The following MTUS2 variants were observed in gnomAD, a reference collection of about 807,000 sequenced individuals.
The protein encoded by MTUS2 is microtubule-associated tumor suppressor candidate 2.
In MTUS2, 40 loss-of-function variants were observed where a neutral mutation model predicts 114.1. The ratio of observed to expected loss-of-function variants is 0.35; its 90% confidence interval spans 0.27 to 0.46. The LOEUF is 0.46. Among genes scored for constraint, MTUS2 ranks in the 20% least tolerant of loss-of-function variants. The probability of loss-of-function intolerance (pLI) is 1.00; values close to 1 mark genes in which losing one functional copy is unlikely to be tolerated. For synonymous variants in MTUS2, 688 were observed against 672.0 expected (o/e 1.02, Z -0.37); for missense variants, 1,679 against 1,705.4 (o/e 0.98, Z 0.27).
intron 5 of MTUS2, among the ~76,000 whole-genome samples, chr13:29,172,259 A>C (rs570624778): frequency 6.6e-6 from 1 of 152,282 alleles, no homozygotes; most frequent in African/African-American, 2.4e-5. Flanking sequence ...TGGATGCAGA[A>C]CTTGACAATG....
rs888075904 is a variant in MTUS2, at chr13:29,496,903, G to A, written c.3580-335G>A. Reference sequence around the variant, plus strand: ...GGTCCTTCCCAAAGCCAGGGGCTAGGTGCCTCCTGGACAAGAGGCACCTCT... The same window carrying A: ...GGTCCTTCCCAAAGCCAGGGGCTAGATGCCTCCTGGACAAGAGGCACCTCT... On this transcript the variant is annotated intron_variant, in intron 12 of 15. Transcript: ENST00000612955. This position sits in a 1 kb window ranked among gnomAD's most constrained non-coding sequence, Gnocchi z 4.3. Among the ~76,000 whole-genome samples the A allele has an allele frequency of 6.6e-6, 1 of 152,166 alleles. No individual in the cohort carries two copies. The highest frequency in any genetic ancestry group is 2.4e-5 in the African/African-American group (1 of 41,440).
chr13:29,438,115 G>A (rs1235350884), intron 8 of MTUS2, among the ~76,000 whole-genome samples: 1 of 152,154 alleles, frequency 6.6e-6, no homozygotes, highest in Non-Finnish European at 1.5e-5. Flanking sequence ...CTAAATGCTG[G>A]ACACTAACTA....
intron 4 of MTUS2, among the ~76,000 whole-genome samples, chr13:29,056,956 T>A (rs902591623): frequency 2.6e-5 from 4 of 152,158 alleles, no homozygotes; most frequent in African/African-American, 9.6e-5. Flanking sequence ...GCACTGTACA[T>A]TTCCCTAACA....
chr13:29,401,442 G>A (rs1046009099), intron 8 of MTUS2, among the ~76,000 whole-genome samples: 1 of 152,148 alleles, frequency 6.6e-6, no homozygotes, highest in African/African-American at 2.4e-5. Flanking sequence ...TCCTCCCAAA[G>A]ATTATGATAC....
chr13:29,024,958 GCTCTCAGGCTGGCTCTGC>G lies in MTUS2; in HGVS notation c.262_279del (p.Gln89_Ser94del), dbSNP rs764607265. On this transcript the variant is annotated inframe_deletion, in exon 3 of 16. Transcript: ENST00000612955. The stretch of plus-strand genomic sequence containing the variant: ...CACCAACTTCAGGGCTTTGGGAAAG[GCTCTCAGGCTGGCTCTGC>G]CAGCCTGAAAGATTTTAGACTTTCT... 1 of 1,613,634 alleles carries G rather than the reference GCTCTCAGGCTGGCTCTGC, an allele frequency of 6.2e-7. No homozygotes were observed. Among genetic ancestry groups the G allele is most frequent in the East Asian group, 2.2e-5 (1 of 44,858 alleles).
At chr13:29,312,718 G>A (rs535163823) in intron 6 of MTUS2, among the ~76,000 whole-genome samples, 2 of 152,104 alleles carry the variant, frequency 1.3e-5, no homozygotes, top group Non-Finnish European at 2.9e-5. Context: ...TTATTCACAT[G>A]CTCTCAGTAT....
chr13:29,495,354 T>TC (rs1882477348), intron 12 of MTUS2, among the ~76,000 whole-genome samples: 1 of 50,964 alleles, frequency 2.0e-5, no homozygotes, highest in African/African-American at 9.9e-5. Flanking sequence ...TGAGTCTTTG[T>TC]CAAAAAAAAA....
chr13:29,057,508 G>T (rs1888191514), intron 4 of MTUS2, among the ~76,000 whole-genome samples: 1 of 152,136 alleles, frequency 6.6e-6, no homozygotes, highest in Admixed American at 6.5e-5. Flanking sequence ...ATTTAGGATA[G>T]TTAGGTCTTC....
At chr13:29,473,144 G>A (rs2138854056) in intron 9 of MTUS2, among the ~76,000 whole-genome samples, 1 of 151,678 alleles carries the variant, frequency 6.6e-6, no homozygotes, top group South Asian at 2.1e-4. Flanking sequence ...TATATATAAT[G>A]GTAACATGTA....
chr13:29,502,782 G>T (rs781628011), intron 15 of MTUS2, among the ~76,000 whole-genome samples: 7 of 152,190 alleles, frequency 4.6e-5, no homozygotes, highest in Non-Finnish European at 8.8e-5. Flanking sequence ...TGGGATGATG[G>T]GTATTGGCCA....
intron 4 of MTUS2, among the ~76,000 whole-genome samples, chr13:29,043,141 T>G (rs1326319717): frequency 6.6e-6 from 1 of 152,126 alleles, no homozygotes; most frequent in Non-Finnish European, 1.5e-5. Context: ...TGTGTCACTG[T>G]TATTCAGTTG....
intron 2 of MTUS2, among the ~76,000 whole-genome samples, chr13:28,936,128 T>C (rs1425453712): frequency 6.6e-6 from 1 of 152,144 alleles, no homozygotes; most frequent in African/African-American, 2.4e-5. Context: ...ACCATGTTCT[T>C]TTACAGGCCC....
Position 29,026,067 on chromosome 13 carries a change from A to G in MTUS2, c.1369A>G (p.Arg457Gly). 6.2e-7 allele frequency: 1 copy of G among 1,613,994 alleles called. No individual in the cohort carries two copies. The highest frequency in any genetic ancestry group is 8.5e-7 in the Non-Finnish European group (1 of 1,179,874). ...GCCCTTGGATGTCATTGAGGAGGAA[A>G]GGCGGTTGGGCAGTGGGAATAAGGA... ...SKPLDVIEEERRLGSGNKDSV... is the reference protein window; with the variant it reads ...SKPLDVIEEEGRLGSGNKDSV... The change falls in exon 3 of 16, where the codon AGG (arginine) becomes GGG (glycine). Residue 457 changes from arginine to glycine, a missense_variant. Transcript: ENST00000612955.
intron 6 of MTUS2, among the ~76,000 whole-genome samples, chr13:29,302,179 C>T (rs1899232566): frequency 2.0e-5 from 3 of 152,212 alleles, no homozygotes; most frequent in South Asian, 4.1e-4. Flanking sequence ...CACAATGGGA[C>T]TGACTAGGCA....
intron 4 of MTUS2, among the ~76,000 whole-genome samples, chr13:29,080,232 A>G (rs932311581): frequency 1.3e-5 from 2 of 152,186 alleles, no homozygotes; most frequent in Admixed American, 1.3e-4. Context: ...TTTGTAGTAA[A>G]GCAAAGTGGA....
chr13:29,326,881 G>C (rs1298252774), intron 7 of MTUS2, among the ~76,000 whole-genome samples: 1 of 152,144 alleles, frequency 6.6e-6, no homozygotes, highest in East Asian at 1.9e-4. Flanking sequence ...TTGGGAAGCT[G>C]AGGCAGGAGT....
intron 1 of MTUS2, among the ~76,000 whole-genome samples, chr13:28,827,215 T>TA (rs777443398): frequency 3.3e-5 from 5 of 152,236 alleles, no homozygotes; most frequent in Non-Finnish European, 7.3e-5. Flanking sequence ...CATTTTCCAT[T>TA]AGTGTTACAT....
At position 29,084,577 on chromosome 13, in the gene MTUS2, G is replaced by A. The variant is rs372745110; in HGVS notation, c.2447-16196G>A. Among the ~76,000 whole-genome samples, 193 of 131,344 alleles carry A rather than the reference G, an allele frequency of 1.5e-3. 1 individual carries two copies. Among genetic ancestry groups the A allele is most frequent in the African/African-American group, 5.3e-3 (184 of 34,632 alleles). 86.2% of individuals were successfully genotyped at this position (131,344 alleles called of 152,430 possible). Reference sequence around the variant, plus strand: ...TTTTTTGATGGAACCTTGCTCTGTCGCCCAGGCTGGAGTGCAGTGATGCAA... The same window carrying A: ...TTTTTTGATGGAACCTTGCTCTGTCACCCAGGCTGGAGTGCAGTGATGCAA... On this transcript the variant is annotated intron_variant, in intron 4 of 15. Transcript: ENST00000612955.
intron 5 of MTUS2, among the ~76,000 whole-genome samples, chr13:29,197,673 C>T (rs1037302540): frequency 1.3e-5 from 2 of 152,228 alleles, no homozygotes; most frequent in African/African-American, 2.4e-5. Flanking sequence ...CACACTCCCA[C>T]CGACAGTGTA....
Sources: allele counts gnomAD v4.1 joint callset (sites outside exome capture counted in the v4.1 genomes callset), GRCh38; gene constraint gnomAD v4.1.1; non-coding constraint Gnocchi (gnomAD v3.1); transcripts MANE v1.5; gene names NCBI Gene and HGNC (gene_info 2026-07-23, HGNC 2026-07-21).